The following NAALADL2 variants were observed in gnomAD, a reference collection of about 807,000 sequenced individuals.
NAALADL2 encodes N-acetylated alpha-linked acidic dipeptidase like 2.
Under a neutral mutation model 87.2 loss-of-function variants are expected in NAALADL2, and 76 were observed. That is an observed-to-expected ratio of 0.87 (90% CI 0.72 to 1.05). The LOEUF (loss-of-function observed/expected upper bound fraction) is 1.05. Ranked by LOEUF, NAALADL2 falls within the 50% of genes least tolerant of loss-of-function variation. NAALADL2 has a pLI of 0.00. For synonymous variants in NAALADL2, 354 were observed against 331.0 expected (o/e 1.07, Z -0.75); for missense variants, 1,089 against 945.8 (o/e 1.15, Z -1.99).
chr3:175,155,251 TG>T (rs1167601208), intron 2 of NAALADL2, among the ~76,000 whole-genome samples: 1 of 152,142 alleles, frequency 6.6e-6, no homozygotes, highest in Admixed American at 6.6e-5. Context: ...AAAGTGCAAC[TG>T]GGGCTGAGAA....
At chr3:175,083,539 A>G (rs1376980436) in intron 1 of NAALADL2, among the ~76,000 whole-genome samples, 6 of 152,208 alleles carry the variant, frequency 3.9e-5, no homozygotes, top group African/African-American at 1.4e-4. Context: ...TATGAAGAAC[A>G]GTGACTTTTT....
At chr3:175,595,860 T>C (rs1019493656) in intron 10 of NAALADL2, among the ~76,000 whole-genome samples, 1 of 151,922 alleles carries the variant, frequency 6.6e-6, no homozygotes, top group Non-Finnish European at 1.5e-5. Context: ...AAACTACCAA[T>C]GTCATTCTTC....
chr3:175,323,389 G>A (rs1760196793), intron 4 of NAALADL2, among the ~76,000 whole-genome samples: 1 of 149,648 alleles, frequency 6.7e-6, no homozygotes, highest in Non-Finnish European at 1.5e-5. Flanking sequence ...TCTAATGCTA[G>A]ATGACGAGTT....
intron 13 of NAALADL2, among the ~76,000 whole-genome samples, chr3:175,766,264 G>A (rs1168534119): frequency 6.6e-6 from 1 of 151,912 alleles, no homozygotes; most frequent in Non-Finnish European, 1.5e-5. Context: ...TAAAAAGTAG[G>A]CATATTTGTC....
intron 1 of NAALADL2, among the ~76,000 whole-genome samples, chr3:174,907,980 CTTAT>C (rs998625343): frequency 1.6e-4 from 20 of 121,452 alleles, no homozygotes; most frequent in African/African-American, 6.2e-4. Flanking sequence ...TAACATATTT[CTTAT>C]TTATATCAAT....
intron 2 of NAALADL2, among the ~76,000 whole-genome samples, chr3:174,590,320 T>C (rs1214525011): frequency 6.6e-6 from 1 of 152,168 alleles, no homozygotes; most frequent in Admixed American, 6.5e-5. Flanking sequence ...TAACTCTGCC[T>C]TTTATCCTGG....
At chr3:175,140,688 T>C (rs556942415) in intron 2 of NAALADL2, among the ~76,000 whole-genome samples, 1 of 152,184 alleles carries the variant, frequency 6.6e-6, no homozygotes, top group South Asian at 2.1e-4. Flanking sequence ...GGGAGTGACA[T>C]AACGGAGAAT....
At chr3:174,611,066 C>CA (rs1374770557) in intron 2 of NAALADL2, among the ~76,000 whole-genome samples, 1 of 150,546 alleles carries the variant, frequency 6.6e-6, no homozygotes, top group African/African-American at 2.4e-5. Context: ...ATCACAAGGA[C>CA]AAAAAATCAA....
intron 13 of NAALADL2, among the ~76,000 whole-genome samples, chr3:175,760,315 A>G (rs1448539408): frequency 2.6e-5 from 4 of 152,146 alleles, no homozygotes; most frequent in Non-Finnish European, 5.9e-5. Flanking sequence ...GATAAAGATA[A>G]TTTCTAAAGT....
chr3:174,647,442 A>G (rs890257395), intron 2 of NAALADL2, among the ~76,000 whole-genome samples: 8 of 152,230 alleles, frequency 5.3e-5, no homozygotes, highest in African/African-American at 1.9e-4. Context: ...AGGGAGCAAC[A>G]GGATTTTGAA....
intron 2 of NAALADL2, among the ~76,000 whole-genome samples, chr3:175,214,717 C>T: frequency 6.6e-6 from 1 of 152,038 alleles, no homozygotes; most frequent in Admixed American, 6.6e-5. Flanking sequence ...TTTATTCATT[C>T]CTACTAAACT....
intron 2 of NAALADL2, among the ~76,000 whole-genome samples, chr3:174,665,511 A>G (rs543065352): frequency 7.2e-5 from 11 of 152,142 alleles, no homozygotes; most frequent in Non-Finnish European, 1.0e-4. Flanking sequence ...TCATAATGCA[A>G]TTACTGAAGT....
intron 1 of NAALADL2, among the ~76,000 whole-genome samples, chr3:174,477,172 C>T (rs2108321930): frequency 1.3e-5 from 2 of 152,116 alleles, no homozygotes; most frequent in Middle Eastern, 3.4e-3. Context: ...TTGAAATGTG[C>T]ATAAAATCTT....
chr3:174,906,834 G>A (rs1361787464), intron 1 of NAALADL2, among the ~76,000 whole-genome samples: 2 of 152,084 alleles, frequency 1.3e-5, no homozygotes, highest in African/African-American at 4.8e-5. Flanking sequence ...TGTAGCAATA[G>A]ATAACAATAC....
At chr3:175,111,762 G>C (rs1580507606) in intron 2 of NAALADL2, among the ~76,000 whole-genome samples, 1 of 151,606 alleles carries the variant, frequency 6.6e-6, no homozygotes, top group South Asian at 2.1e-4. Flanking sequence ...TCAGGAAAGG[G>C]AAAATTAGGG....
intron 1 of NAALADL2, among the ~76,000 whole-genome samples, chr3:174,984,861 A>G (rs11923470): frequency 0.16 from 24,378 of 152,138 alleles, 2,369 homozygotes; most frequent in African/African-American, 0.27. Flanking sequence ...TAGAGTTACA[A>G]GCTACATTGT....
In NAALADL2 at chr3:175,627,315, C is replaced by T. The variant is rs111289900; in HGVS notation, c.1825C>T (p.Arg609Cys). The T allele has an allele frequency of 2.0e-5, 31 of 1,568,898 alleles. No individual in the cohort carries two copies. The highest frequency in any genetic ancestry group is 8.2e-5 in the South Asian group (7 of 85,650). Reference protein sequence around the residue: ...LEGPSFLSEARFSTRATKIEE... With the variant: ...LEGPSFLSEACFSTRATKIEE... ...GGGTCCAAGTTTTCTCTCCGAGGCC[C>T]GTTTTTCTACACGAGCAACAAAAAT... is the stretch of plus-strand genomic sequence containing the variant. Residue 609 changes from arginine to cysteine, a missense_variant, in exon 11 of 14, where the codon CGT becomes TGT. Physicochemically the swap from Arg to Cys is radical, Grantham distance 180. Coordinates refer to ENST00000454872, the MANE Select transcript of NAALADL2 (RefSeq NM_207015.3).
chr3:175,562,517 T>C (rs189115139), intron 9 of NAALADL2, among the ~76,000 whole-genome samples: 41 of 152,088 alleles, frequency 2.7e-4, no homozygotes, highest in African/African-American at 9.4e-4. Flanking sequence ...TTTTTTCTTG[T>C]TTTCCAATCA....
intron 1 of NAALADL2, among the ~76,000 whole-genome samples, chr3:174,543,690 G>T (rs965373474): frequency 4.6e-5 from 7 of 152,016 alleles, no homozygotes; most frequent in Non-Finnish European, 7.4e-5. Context: ...TTTTATGGAA[G>T]TATTATGTAA....
Sources: gnomAD v4.1 joint callset for allele counts (sites outside exome capture counted in the v4.1 genomes callset) on GRCh38, gnomAD v4.1.1 for gene constraint, MANE v1.5 for transcripts, NCBI Gene and HGNC (gene_info 2026-07-23, HGNC 2026-07-21) for gene names.